Variants in BRINP3 observed in about 807,000 individuals in gnomAD.
BRINP3 encodes BMP/retinoic acid-inducible neural-specific protein 3.
In BRINP3, 19 loss-of-function variants were observed where a neutral mutation model predicts 71.0. The observed-to-expected ratio is 0.27, with a 90% CI of 0.19 to 0.39. The LOEUF (loss-of-function observed/expected upper bound fraction) is 0.39, where lower values mean the gene tolerates loss of function less well. Ranked by LOEUF, BRINP3 falls within the 10% of genes least tolerant of loss-of-function variation. The probability of loss-of-function intolerance (pLI) is 1.00; values close to 1 mark genes in which losing one functional copy is unlikely to be tolerated. For missense variants in BRINP3, 959 were observed against 940.8 expected (o/e 1.02, Z -0.25); for synonymous variants, 380 against 337.7 (o/e 1.13, Z -1.37).
At chr1:190,476,410 A>G (rs910060102) in intron 1 of BRINP3, among the ~76,000 whole-genome samples, 1 of 152,080 alleles carries the variant, frequency 6.6e-6, no homozygotes, top group Non-Finnish European at 1.5e-5. Context: ...AAAATTACCG[A>G]TACATGCAGG....
At position 190,300,068 on chromosome 1, in the gene BRINP3, CTG is replaced by C. The variant is rs1457992949; in HGVS notation, c.237-18320_237-18319del. 1.4e-4 allele frequency among the ~76,000 whole-genome samples: 21 copies of C among 152,126 alleles called. 1 individual carries two copies. In the East Asian group the frequency reaches 4.1e-3, roughly 30 times the overall value. The stretch of plus-strand genomic sequence containing the variant: ...TCGAGGAGTATCTTTGTGGCGTTCT[CTG>C]TATTTCCTGAATCTGAATGTTGGCC... On this transcript the variant is annotated intron_variant, in intron 2 of 7. Coordinates refer to ENST00000367462, the MANE Select transcript of BRINP3 (RefSeq NM_199051.3).
intron 2 of BRINP3, among the ~76,000 whole-genome samples, chr1:190,438,733 CAG>C (rs909931422): frequency 2.0e-5 from 3 of 151,738 alleles, no homozygotes; most frequent in Non-Finnish European, 3.0e-5. Flanking sequence ...CAAAGGTGAA[CAG>C]AGAGTTACCC....
chr1:190,384,127 G>T (rs1339931565), intron 2 of BRINP3, among the ~76,000 whole-genome samples: 1 of 151,088 alleles, frequency 6.6e-6, no homozygotes, highest in Non-Finnish European at 1.5e-5. Context: ...TTAATAATGA[G>T]ATAATATTGG....
intron 7 of BRINP3, among the ~76,000 whole-genome samples, chr1:190,134,815 G>C (rs138064075): frequency 1.5e-3 from 225 of 152,192 alleles, no homozygotes; most frequent in African/African-American, 5.2e-3. Context: ...TAATAATAAA[G>C]TGTCAACATT....
At chr1:190,264,347 G>T (rs1012555229) in intron 4 of BRINP3, among the ~76,000 whole-genome samples, 12 of 151,890 alleles carry the variant, frequency 7.9e-5, no homozygotes, top group African/African-American at 2.7e-4. Context: ...GTTATATTTT[G>T]CCTCCTAGAA....
At chr1:190,276,404 T>C (rs1282787043) in intron 3 of BRINP3, among the ~76,000 whole-genome samples, 19 of 151,682 alleles carry the variant, frequency 1.3e-4, no homozygotes. Context: ...ATAATTCACA[T>C]AGTGAAAAGT....
At chr1:190,191,796 T>C (rs1020252521) in intron 6 of BRINP3, among the ~76,000 whole-genome samples, 4 of 152,126 alleles carry the variant, frequency 2.6e-5, no homozygotes, top group Non-Finnish European at 5.9e-5. Flanking sequence ...AGGCATAATT[T>C]GCATTGAAAT....
At chr1:190,294,856 T>C (rs1664133739) in intron 2 of BRINP3, among the ~76,000 whole-genome samples, 1 of 151,908 alleles carries the variant, frequency 6.6e-6, no homozygotes. Context: ...CCTAGGTTTG[T>C]TGTAAGTCTT....
intron 7 of BRINP3, among the ~76,000 whole-genome samples, chr1:190,113,580 C>G (rs992069541): frequency 2.0e-5 from 3 of 152,130 alleles, no homozygotes; most frequent in Non-Finnish European, 2.9e-5. Context: ...TTACCCATTT[C>G]TAAACATCTG....
intron 6 of BRINP3, among the ~76,000 whole-genome samples, chr1:190,213,826 T>G (rs1326482433): frequency 6.6e-6 from 1 of 151,992 alleles, no homozygotes; most frequent in Non-Finnish European, 1.5e-5. Flanking sequence ...GGAAAGACTG[T>G]GGGTGTGGCT....
At chr1:190,224,674 A>T (rs1451443743) in intron 6 of BRINP3, among the ~76,000 whole-genome samples, 1 of 151,980 alleles carries the variant, frequency 6.6e-6, no homozygotes, top group East Asian at 1.9e-4. Flanking sequence ...ACAGTAAACA[A>T]TCAGCAAAGT....
chr1:190,368,884 C>T lies in BRINP3; in HGVS notation c.236+85771G>A, dbSNP rs542674693. 2.4e-4 allele frequency among the ~76,000 whole-genome samples: 36 copies of T among 152,238 alleles called. 1 individual carries two copies. In the South Asian group the frequency reaches 7.5e-3, roughly 32 times the overall value. ...AAGGTTTATAAGCTCTGGAAAACTT[C>T]GTAATTTTGACTTGGTCTGGCATTA... On this transcript the variant is annotated intron_variant, in intron 2 of 7. Transcript: ENST00000367462.
At chr1:190,183,999 G>C (rs1025221658) in intron 6 of BRINP3, among the ~76,000 whole-genome samples, 1 of 151,984 alleles carries the variant, frequency 6.6e-6, no homozygotes, top group African/African-American at 2.4e-5. Flanking sequence ...TCTTTTGTCT[G>C]TTCCCATTGG....
intron 7 of BRINP3, among the ~76,000 whole-genome samples, chr1:190,158,484 C>G (rs1383877681): frequency 1.3e-5 from 2 of 151,882 alleles, no homozygotes; most frequent in Non-Finnish European, 2.9e-5. Flanking sequence ...AGTGAGGGGG[C>G]CAATTATTGA....
chr1:190,157,058 C>T (rs1052149089), intron 7 of BRINP3, among the ~76,000 whole-genome samples: 2 of 151,882 alleles, frequency 1.3e-5, no homozygotes, highest in East Asian at 3.9e-4. Context: ...TATATCTGCA[C>T]TTTCTGATAA....
intron 2 of BRINP3, among the ~76,000 whole-genome samples, chr1:190,346,044 A>G (rs893338652): frequency 1.3e-5 from 2 of 152,008 alleles, no homozygotes; most frequent in African/African-American, 4.8e-5. Context: ...AGAGCATCAG[A>G]CATGAGAACA....
chr1:190,286,842 G>T (rs1663461922), intron 2 of BRINP3, among the ~76,000 whole-genome samples: 2 of 152,102 alleles, frequency 1.3e-5, no homozygotes, highest in Non-Finnish European at 2.9e-5. Flanking sequence ...AAAATCATAT[G>T]GATCTTAAGA....
At chr1:190,403,316 T>C (rs772776304) in intron 2 of BRINP3, among the ~76,000 whole-genome samples, 1 of 152,200 alleles carries the variant, frequency 6.6e-6, no homozygotes, top group Non-Finnish European at 1.5e-5. Context: ...AAACATTTAT[T>C]AAATTTGCAT....
At position 190,393,680 on chromosome 1, in the gene BRINP3, T is replaced by A. The variant is rs1671397885; in HGVS notation, c.236+60975A>T. ...TTTAAAAAGAGAAACTCAAAATATA[T>A]TTTTGATTTATTTTCTTACATATAG... On this transcript the variant is annotated intron_variant, in intron 2 of 7. Transcript: ENST00000367462. Among the ~76,000 whole-genome samples the A allele has an allele frequency of 2.6e-5, 4 of 151,542 alleles. No homozygotes were observed. In the Admixed American group the frequency reaches 2.6e-4, roughly 10 times the overall value.
Sources: gnomAD v4.1 joint callset for allele counts (sites outside exome capture counted in the v4.1 genomes callset) on GRCh38, gnomAD v4.1.1 for gene constraint, MANE v1.5 for transcripts, NCBI Gene and HGNC (gene_info 2026-07-23, HGNC 2026-07-21) for gene names.